The following UTRN variants were observed in gnomAD, a reference collection of about 807,000 sequenced individuals.
UTRN encodes the protein utrophin.
UTRN carries 283 observed loss-of-function variants against 463.9 expected under a neutral mutation model. The ratio of observed to expected loss-of-function variants is 0.61; its 90% confidence interval spans 0.55 to 0.67. UTRN has a LOEUF of 0.67. UTRN is among the 30% of genes least tolerant of loss of function. The pLI is 0.00. For missense variants in UTRN, 3,922 were observed against 4,084.3 expected (o/e 0.96, Z 1.08); for synonymous variants, 1,442 against 1,431.5 (o/e 1.01, Z -0.17).
chr6:144,469,062 T>C (rs1790238573), intron 23 of UTRN, among the ~76,000 whole-genome samples: 1 of 151,984 alleles, frequency 6.6e-6, no homozygotes, highest in African/African-American at 2.4e-5. Context: ...GGATGGGCCT[T>C]TCCTTCTGTA....
At chr6:144,777,658 A>G (rs1775452427) in intron 60 of UTRN, among the ~76,000 whole-genome samples, 1 of 152,192 alleles carries the variant, frequency 6.6e-6, no homozygotes, top group African/African-American at 2.4e-5. Context: ...GTGATAGGTA[A>G]TAGCAGAAAA....
chr6:144,582,646 C>T (rs1476362714), intron 51 of UTRN, among the ~76,000 whole-genome samples: 1 of 152,150 alleles, frequency 6.6e-6, no homozygotes, highest in East Asian at 1.9e-4. Flanking sequence ...CAATTACAGA[C>T]TTTTAATTTT....
chr6:144,837,899 C>T (rs1781236728), intron 71 of UTRN, among the ~76,000 whole-genome samples: 1 of 152,286 alleles, frequency 6.6e-6, no homozygotes, highest in Non-Finnish European at 1.5e-5. Context: ...AAGAGTTTCC[C>T]AAGAGTGACC....
At chr6:144,437,348 T>G (rs1043575063) in intron 10 of UTRN, among the ~76,000 whole-genome samples, 5 of 152,228 alleles carry the variant, frequency 3.3e-5, no homozygotes, top group African/African-American at 1.2e-4. Flanking sequence ...GATGCATCAT[T>G]GCTTGCTTTG....
At chr6:144,784,816 G>A (rs1443439816) in intron 61 of UTRN, among the ~76,000 whole-genome samples, 3 of 152,152 alleles carry the variant, frequency 2.0e-5, no homozygotes, top group Non-Finnish European at 4.4e-5. Context: ...TAGAAAGACA[G>A]TATCTTGAAA....
rs1314311746 is a variant in UTRN at position 144,531,124 on chromosome 6, A to C, written c.5979A>C (p.Thr1993=). The C allele has an allele frequency of 1.3e-5, 21 of 1,614,086 alleles. No individual in the cohort carries two copies. In the East Asian group the frequency reaches 4.5e-4, roughly 34 times the overall value. The change falls in exon 42 of 75, where the codon ACA becomes ACC. Residue 1993 remains threonine, a synonymous_variant. Transcript: ENST00000367545. ...TTAATGACCTCACACAGTGGATAAC[A>C]GAGGCTGAAGAATTACTGGTTGATA... is the stretch of plus-strand genomic sequence containing the variant. The part of the protein sequence containing the change: ...CDLNDLTQWI[T]EAEELLVDTC...
chr6:144,786,667 C>T (rs1363832652), intron 61 of UTRN, among the ~76,000 whole-genome samples: 1 of 152,098 alleles, frequency 6.6e-6, no homozygotes, highest in East Asian at 1.9e-4. Flanking sequence ...TGTTCTCCTA[C>T]TTGGGACTGT....
chr6:144,490,492 C>T (rs1288706702), intron 31 of UTRN, among the ~76,000 whole-genome samples: 1 of 152,184 alleles, frequency 6.6e-6, no homozygotes, highest in Non-Finnish European at 1.5e-5. Context: ...CTGTCAGTAT[C>T]GTGTGGCTGA....
intron 2 of UTRN, among the ~76,000 whole-genome samples, chr6:144,394,610 T>C (rs1404340927): frequency 6.6e-6 from 1 of 152,162 alleles, no homozygotes; most frequent in Non-Finnish European, 1.5e-5. Context: ...AGAAGACACA[T>C]GGCATACAGT....
chr6:144,449,019 C>G (rs761249767), intron 17 of UTRN, among the ~76,000 whole-genome samples: 1 of 152,090 alleles, frequency 6.6e-6, no homozygotes, highest in African/African-American at 2.4e-5. Flanking sequence ...ACTTTGTGAT[C>G]GAAGCTTTCT....
At chr6:144,514,883 A>C (rs1363563283) in intron 37 of UTRN, 63 bp downstream of exon 37, 2 of 1,435,630 alleles carry the variant, frequency 1.4e-6, no homozygotes, top group Non-Finnish European at 1.9e-6. Context: ...AATGATAGTC[A>C]TACAGTACAT....
chr6:144,350,858 A>C (rs1489414512), intron 2 of UTRN, among the ~76,000 whole-genome samples: 1 of 152,204 alleles, frequency 6.6e-6, no homozygotes, highest in Non-Finnish European at 1.5e-5. Flanking sequence ...ATTTTCAGAT[A>C]TCTAGGACAG....
intron 3 of UTRN, among the ~76,000 whole-genome samples, chr6:144,409,207 A>G (rs190147911): frequency 6.6e-6 from 1 of 152,328 alleles, no homozygotes; most frequent in East Asian, 1.9e-4. Context: ...TTCAATTTGA[A>G]TTTTTAAAAT....
At chr6:144,365,344 G>A (rs1779419305) in intron 2 of UTRN, among the ~76,000 whole-genome samples, 2 of 152,170 alleles carry the variant, frequency 1.3e-5, no homozygotes, top group African/African-American at 4.8e-5. Context: ...AGGGGAAAAA[G>A]GGAAGGAATG....
At chr6:144,347,456 G>A (rs1777682864) in intron 2 of UTRN, among the ~76,000 whole-genome samples, 1 of 152,230 alleles carries the variant, frequency 6.6e-6, no homozygotes, top group East Asian at 1.9e-4. Context: ...GTGCAGAAGA[G>A]GCTCAGTAGC....
intron 19 of UTRN, 39 bp downstream of exon 19, chr6:144,453,908 G>C (rs1414756081): frequency 6.4e-7 from 1 of 1,561,656 alleles, no homozygotes; most frequent in Non-Finnish European, 8.8e-7. Flanking sequence ...TTTTTCAGAT[G>C]GTGGCATCGA....
intron 46 of UTRN, among the ~76,000 whole-genome samples, chr6:144,547,077 C>G (rs2128609782): frequency 6.6e-6 from 1 of 152,284 alleles, no homozygotes; most frequent in East Asian, 1.9e-4. Flanking sequence ...GGCATCTTAA[C>G]CTAGAGCTTC....
chr6:144,845,340 C>G (rs1354634083), intron 73 of UTRN, among the ~76,000 whole-genome samples: 1 of 152,170 alleles, frequency 6.6e-6, no homozygotes, highest in African/African-American at 2.4e-5. Flanking sequence ...GTATGAAATA[C>G]TGGCAGTAAG....
In UTRN at chr6:144,824,599, TATATATATATATATC is replaced by T. The variant is rs1562954949; in HGVS notation, c.9495-2748_9495-2734del. Among the ~76,000 whole-genome samples the T allele has an allele frequency of 6.3e-3, 373 of 58,804 alleles. 10 individuals carry two copies. Among genetic ancestry groups the T allele is most frequent in the African/African-American group, 0.028 (269 of 9,512 alleles). 38.6% of individuals were successfully genotyped at this position (58,804 alleles called of 152,430 possible). ...ATATATATATATATATATATATATA[TATATATATATATATC>T]TTTTTTTTTTTTTTTTTTTTTTTGA... On this transcript the variant is annotated intron_variant, in intron 66 of 74. Transcript: ENST00000367545.
Sources: allele counts gnomAD v4.1 joint callset (sites outside exome capture counted in the v4.1 genomes callset), GRCh38; gene constraint gnomAD v4.1.1; transcripts MANE v1.5; gene names NCBI Gene and HGNC (gene_info 2026-07-23, HGNC 2026-07-21).